Variants in NRG1 observed in about 807,000 individuals in gnomAD.
NRG1 encodes the protein pro-neuregulin-1, membrane-bound isoform.
NRG1 carries 18 observed loss-of-function variants against 63.8 expected under a neutral mutation model. The ratio of observed to expected loss-of-function variants is 0.28; its 90% CI spans 0.19 to 0.42. NRG1 has a LOEUF of 0.42. Among genes scored for constraint, NRG1 ranks in the 10% least tolerant of loss-of-function variants. The pLI is 1.00. For synonymous variants in NRG1, 302 were observed against 301.3 expected, an observed-to-expected ratio of 1.00 and a Z score of -0.02; for missense variants, 762 against 814.7, an observed-to-expected ratio of 0.94 and a Z score of 0.79.
chr8:31,887,670 G>A (rs1395411482), intron 1 of NRG1, among the ~76,000 whole-genome samples: 4 of 152,088 alleles, frequency 2.6e-5, no homozygotes, highest in Admixed American at 2.6e-4. Flanking sequence ...TTTAAGAGAA[G>A]TTAGGTCTAT....
intron 1 of NRG1, among the ~76,000 whole-genome samples, chr8:31,643,537 C>A (rs1374385469): frequency 6.6e-6 from 1 of 152,156 alleles, no homozygotes; most frequent in African/African-American, 2.4e-5. Context: ...GAAAAATGGA[C>A]CTTTGGAAAC....
intron 1 of NRG1, among the ~76,000 whole-genome samples, chr8:32,588,957 A>G (rs1167299996): frequency 6.6e-6 from 1 of 152,190 alleles, no homozygotes. Context: ...TGATTCAGCT[A>G]GAGCACAGGG....
chr8:32,521,353 A>C (rs1830326099), intron 1 of NRG1, among the ~76,000 whole-genome samples: 1 of 152,198 alleles, frequency 6.6e-6, no homozygotes. Flanking sequence ...TTTAGTGCTC[A>C]GTATTCCAAT....
chr8:32,205,931 T>C, intron 1 of NRG1, among the ~76,000 whole-genome samples: 1 of 87,180 alleles, frequency 1.1e-5, no homozygotes, highest in Admixed American at 1.6e-4. Context: ...AGACCATCTC[T>C]CTACAAAAAA....
intron 1 of NRG1, among the ~76,000 whole-genome samples, chr8:32,088,912 G>T (rs1828686303): frequency 6.6e-6 from 1 of 152,154 alleles, no homozygotes; most frequent in African/African-American, 2.4e-5. Context: ...GCTGAAGTAG[G>T]ACTAGAACTC....
At chr8:32,471,238 G>A (rs1236449330) in intron 1 of NRG1, among the ~76,000 whole-genome samples, 1 of 152,190 alleles carries the variant, frequency 6.6e-6, no homozygotes, top group Non-Finnish European at 1.5e-5. Flanking sequence ...TCAGTTATCT[G>A]TTTCAACAAC....
At chr8:32,256,165 A>G (rs1849680122) in intron 1 of NRG1, among the ~76,000 whole-genome samples, 3 of 151,646 alleles carry the variant, frequency 2.0e-5, no homozygotes, top group South Asian at 2.1e-4. Context: ...GTTATTACCC[A>G]CCTTCTGAAG....
intron 1 of NRG1, among the ~76,000 whole-genome samples, chr8:31,745,454 T>G (rs1366803153): frequency 6.6e-6 from 1 of 151,976 alleles, no homozygotes; most frequent in Admixed American, 6.6e-5. Flanking sequence ...AACTGTTAAA[T>G]TGGACAAGTT....
chr8:32,110,532 T>G (rs1237519989), intron 1 of NRG1, among the ~76,000 whole-genome samples: 2 of 152,230 alleles, frequency 1.3e-5, no homozygotes, highest in Non-Finnish European at 2.9e-5. Flanking sequence ...TGCTGGTGAA[T>G]GTAAGGTGAG....
intron 1 of NRG1, among the ~76,000 whole-genome samples, chr8:32,021,160 G>GA (rs1168100673): frequency 2.0e-5 from 3 of 151,848 alleles, no homozygotes; most frequent in African/African-American, 7.3e-5. Context: ...ATTTTTTTCA[G>GA]AAAAAATGCC....
intron 1 of NRG1, among the ~76,000 whole-genome samples, chr8:32,275,516 A>G (rs1442980643): frequency 6.6e-6 from 1 of 152,144 alleles, no homozygotes; most frequent in South Asian, 2.1e-4. Flanking sequence ...AAGGACATTA[A>G]GACGGAGCTG....
At chr8:31,705,487 T>A (rs1227816548) in intron 1 of NRG1, among the ~76,000 whole-genome samples, 1 of 152,196 alleles carries the variant, frequency 6.6e-6, no homozygotes, top group East Asian at 1.9e-4. Context: ...AGAGATAGGA[T>A]GAAAGTTGGA....
intron 7 of NRG1, among the ~76,000 whole-genome samples, chr8:32,752,364 G>A (rs1406204309): frequency 6.6e-6 from 1 of 152,138 alleles, no homozygotes; most frequent in Non-Finnish European, 1.5e-5. Flanking sequence ...GCAGACATAT[G>A]CAATTAACAT....
At chr8:32,516,214 G>A (rs1401218406) in intron 1 of NRG1, among the ~76,000 whole-genome samples, 1 of 152,184 alleles carries the variant, frequency 6.6e-6, no homozygotes, top group African/African-American at 2.4e-5. Flanking sequence ...TCCGATGGCT[G>A]TAGGTGTGCA....
chr8:32,630,953 A>G (rs73590619), intron 5 of NRG1, among the ~76,000 whole-genome samples: 4,804 of 152,184 alleles, frequency 0.032, 148 homozygotes, highest in African/African-American at 0.082. Flanking sequence ...AAATTGTAGC[A>G]TTTTGTGTCT....
At chr8:31,740,123 C>A (rs574739986) in intron 1 of NRG1, among the ~76,000 whole-genome samples, 1 of 152,060 alleles carries the variant, frequency 6.6e-6, no homozygotes, top group South Asian at 2.1e-4. Context: ...GTTTTCTCTT[C>A]TCTCTATTCT....
chr8:32,504,820 A>AT (rs1291577461), intron 1 of NRG1, among the ~76,000 whole-genome samples: 1 of 152,142 alleles, frequency 6.6e-6, no homozygotes, highest in African/African-American at 2.4e-5. Flanking sequence ...AGACTTAAAA[A>AT]ATTTTTTTCT....
chr8:32,623,532 C>T (rs181891044), intron 5 of NRG1, among the ~76,000 whole-genome samples: 2 of 152,224 alleles, frequency 1.3e-5, no homozygotes, highest in African/African-American at 4.8e-5. Context: ...AATTATCATG[C>T]ATCATATAGC....
intron 1 of NRG1, among the ~76,000 whole-genome samples, chr8:32,462,595 C>CTT (rs58485445): frequency 0.017 from 1,242 of 72,328 alleles, no homozygotes; most frequent in East Asian, 0.033. Flanking sequence ...CACACTGATT[C>CTT]TTTTTTTTTT....
Sources: allele counts gnomAD v4.1 joint callset (sites outside exome capture counted in the v4.1 genomes callset), GRCh38; gene constraint gnomAD v4.1.1; transcripts MANE v1.5; gene names NCBI Gene and HGNC (gene_info 2026-07-23, HGNC 2026-07-21).